PRR16: variants seen among roughly 807,000 people sequenced by gnomAD.
PRR16 encodes the protein protein Largen.
Under a neutral mutation model 18.2 loss-of-function variants are expected in PRR16, and 6 were observed. The ratio of observed to expected loss-of-function variants is 0.33; its 90% CI spans 0.18 to 0.65. PRR16 has a LOEUF of 0.65. Ranked by LOEUF, PRR16 falls within the 30% of genes least tolerant of loss-of-function variation. The probability of loss-of-function intolerance (pLI) is 0.74; values close to 1 mark genes in which losing one functional copy is unlikely to be tolerated. For synonymous variants in PRR16, 151 were observed against 147.8 expected (o/e 1.02, Z -0.16); for missense variants, 412 against 376.6 (o/e 1.09, Z -0.78).
At chr5:120,712,958 A>T in the PRR16 span, among the ~76,000 whole-genome samples, 1 of 152,162 alleles carries the variant, frequency 6.6e-6, no homozygotes, top group Non-Finnish European at 1.5e-5. Context: ...ATGACCTAGC[A>T]TATACGTATA....
chr5:120,615,865 A>G (rs551268165), intron 1 of PRR16, among the ~76,000 whole-genome samples: 1 of 152,258 alleles, frequency 6.6e-6, no homozygotes, highest in African/African-American at 2.4e-5. Context: ...CCTAGCACAT[A>G]CTCAGTTCCC....
intron 1 of PRR16, among the ~76,000 whole-genome samples, chr5:120,646,445 G>A (rs897792250): frequency 1.3e-5 from 2 of 151,858 alleles, no homozygotes; most frequent in Non-Finnish European, 2.9e-5. Context: ...TACAGGGACC[G>A]TCATTAGCAA....
chr5:120,564,391 G>A (rs62376400), intron 1 of PRR16, among the ~76,000 whole-genome samples: 2,269 of 152,116 alleles, frequency 0.015, 24 homozygotes, highest in Non-Finnish European at 0.024. Flanking sequence ...GAACACTCTG[G>A]CCTGTAGTGG....
chr5:120,755,565 T>G, the PRR16 span, among the ~76,000 whole-genome samples: 1 of 152,150 alleles, frequency 6.6e-6, no homozygotes, highest in Admixed American at 6.6e-5. Context: ...TATGATTTCA[T>G]CCATTTTTAT....
the PRR16 span, among the ~76,000 whole-genome samples, chr5:120,726,291 A>G: frequency 7.2e-4 from 109 of 152,170 alleles, no homozygotes; most frequent in Middle Eastern, 3.4e-3. Context: ...GGATGTCAAG[A>G]AATCACAATT....
At chr5:120,574,106 T>C (rs900219655) in intron 1 of PRR16, among the ~76,000 whole-genome samples, 4 of 151,952 alleles carry the variant, frequency 2.6e-5, no homozygotes, top group African/African-American at 4.8e-5. Flanking sequence ...AAAACATCAA[T>C]TGGACCAAAT....
At chr5:120,521,216 G>A (rs556716790) in intron 1 of PRR16, among the ~76,000 whole-genome samples, 1 of 152,040 alleles carries the variant, frequency 6.6e-6, no homozygotes, top group Admixed American at 6.5e-5. Context: ...TTTGGCTCGG[G>A]ACAAGATGAG....
At chr5:120,793,803 A>G in the PRR16 span, among the ~76,000 whole-genome samples, 1 of 152,192 alleles carries the variant, frequency 6.6e-6, no homozygotes, top group African/African-American at 2.4e-5. Context: ...AACATCATAT[A>G]ATGTACTTAC....
At chr5:120,571,847 G>T (rs1752916277) in intron 1 of PRR16, among the ~76,000 whole-genome samples, 1 of 152,098 alleles carries the variant, frequency 6.6e-6, no homozygotes, top group Admixed American at 6.6e-5. Flanking sequence ...AGTTCATTTG[G>T]AGATACTCAG....
At chr5:120,773,133 C>T in the PRR16 span, among the ~76,000 whole-genome samples, 98 of 152,214 alleles carry the variant, frequency 6.4e-4, no homozygotes, top group African/African-American at 2.2e-3. Flanking sequence ...AGAATGGATT[C>T]TTACTAGTAT....
Position 120,508,968 on chromosome 5 carries a change from G to A in PRR16, c.159+44323G>A, listed in dbSNP as rs10064623. 1.3e-4 allele frequency among the ~76,000 whole-genome samples: 19 copies of A among 151,884 alleles called. No homozygotes were observed. In the South Asian group the frequency reaches 3.5e-3, roughly 28 times the overall value. ...TGTAACTTTTAGTTGGGTGAGGGGG[G>A]GGATAGTAAAGATAATTTGCTTAGT... On this transcript the variant is annotated intron_variant, in intron 1 of 1. Transcript: ENST00000407149.
chr5:120,659,051 A>T (rs1756085404), intron 1 of PRR16, among the ~76,000 whole-genome samples: 1 of 151,732 alleles, frequency 6.6e-6, no homozygotes, highest in Admixed American at 6.6e-5. Flanking sequence ...TTAAGGTCTC[A>T]TATGTTATAT....
intron 1 of PRR16, among the ~76,000 whole-genome samples, chr5:120,620,368 A>G (rs1754649382): frequency 6.6e-6 from 1 of 152,160 alleles, no homozygotes; most frequent in Non-Finnish European, 1.5e-5. Flanking sequence ...AAATGGGTAC[A>G]GTGATTGATG....
chr5:120,763,311 CT>C, the PRR16 span, among the ~76,000 whole-genome samples: 2 of 151,578 alleles, frequency 1.3e-5, no homozygotes, highest in Admixed American at 1.3e-4. Flanking sequence ...ACGTCTGGCT[CT>C]TTTTTTTGTA....
At chr5:120,691,112 A>C (rs895975194), downstream of PRR16, among the ~76,000 whole-genome samples, 3 of 152,160 alleles carry the variant, frequency 2.0e-5, no homozygotes, top group Admixed American at 6.6e-5. Context: ...AAAATGTAGA[A>C]ATTCCAGACC....
chr5:120,568,897 T>G (rs180911207), intron 1 of PRR16, among the ~76,000 whole-genome samples: 156 of 152,262 alleles, frequency 1.0e-3, no homozygotes, highest in Non-Finnish European at 1.9e-3. Flanking sequence ...AATGCTGTCA[T>G]CACTGGTTCC....
intron 1 of PRR16, among the ~76,000 whole-genome samples, chr5:120,487,460 G>T (rs537322126): frequency 6.6e-6 from 1 of 152,238 alleles, no homozygotes; most frequent in Admixed American, 6.5e-5. Context: ...TCTGTTATTG[G>T]TGTATAAGAA....
chr5:120,490,951 G>C (rs1447497728), intron 1 of PRR16, among the ~76,000 whole-genome samples: 1 of 152,210 alleles, frequency 6.6e-6, no homozygotes, highest in Non-Finnish European at 1.5e-5. Flanking sequence ...ATCAGCAGCG[G>C]AGGCTGCACA....
intron 1 of PRR16, among the ~76,000 whole-genome samples, chr5:120,586,295 A>G (rs1753440729): frequency 6.6e-6 from 1 of 152,334 alleles, no homozygotes; most frequent in Admixed American, 6.5e-5. Context: ...GAGAGACCTA[A>G]TTTACCAAAC....
Sources: gnomAD v4.1 joint callset for allele counts (sites outside exome capture counted in the v4.1 genomes callset) on GRCh38, gnomAD v4.1.1 for gene constraint, MANE v1.5 for transcripts, NCBI Gene and HGNC (gene_info 2026-07-23, HGNC 2026-07-21) for gene names.